Variants in SLC6A16 observed in about 807,000 individuals in gnomAD.
SLC6A16 encodes orphan sodium- and chloride-dependent neurotransmitter transporter NTT5.
A neutral mutation model predicts 65.4 loss-of-function variants in SLC6A16; 54 were observed. The observed-to-expected ratio is 0.83, with a 90% CI of 0.66 to 1.04. The LOEUF is 1.04. Ranked by LOEUF, SLC6A16 falls within the 50% of genes least tolerant of loss-of-function variation. The pLI is 0.00. For synonymous variants in SLC6A16, 330 were observed against 346.5 expected, an observed-to-expected ratio of 0.95 and a Z score of 0.53; for missense variants, 816 against 914.0, an observed-to-expected ratio of 0.89 and a Z score of 1.38.
In SLC6A16 at chr19:49,292,080, A is replaced by T. The variant is rs986852233; in HGVS notation, c.1778+1143T>A. Reference sequence around the variant, plus strand: ...TCTTAGCTCTCACTTGAAATATTACATAGCTTTCACCAGGCGGGGTGGCTC... The same window carrying T: ...TCTTAGCTCTCACTTGAAATATTACTTAGCTTTCACCAGGCGGGGTGGCTC... On this transcript the variant is annotated intron_variant, in intron 10 of 11. Transcript: ENST00000335875. This position sits in a 1 kb window ranked among gnomAD's most constrained non-coding sequence, Gnocchi z 4.3. Among the ~76,000 whole-genome samples, 1 of 152,150 alleles carries T rather than the reference A, an allele frequency of 6.6e-6. No individual in the cohort carries two copies. The highest frequency in any genetic ancestry group is 1.5e-5 in the Non-Finnish European group (1 of 68,034).
chr19:49,311,826 G>A (rs1970529162), intron 1 of SLC6A16, among the ~76,000 whole-genome samples: 1 of 148,332 alleles, frequency 6.7e-6, no homozygotes, highest in Non-Finnish European at 1.5e-5. Flanking sequence ...TCCAGCTTGG[G>A]AGACAGAGTA....
chr19:49,289,974 G>C lies in SLC6A16; in HGVS notation c.*149C>G. ...GACCCAGGAAGGGATTGCAAGTCCA[G>C]GCCCCATGAACACCCCCAAAGAATG... is the stretch of plus-strand genomic sequence containing the variant. On this transcript the variant is annotated 3_prime_UTR_variant, in exon 12 of 12. Transcript: ENST00000335875. 2 of 745,698 alleles carry C rather than the reference G, an allele frequency of 2.7e-6. No individual in the cohort carries two copies. The highest frequency in any genetic ancestry group is 4.3e-6 in the Non-Finnish European group (2 of 464,802). 46.2% of individuals were successfully genotyped at this position (745,698 alleles called of 1,614,324 possible).
At chr19:49,295,377 CA>C (rs11299915) in intron 7 of SLC6A16, among the ~76,000 whole-genome samples, 108,489 of 146,316 alleles carry the variant, frequency 0.74, 39,848 homozygotes, top group East Asian at 0.83. Context: ...GACTCCATTT[CA>C]AAAAAAAAAA....
intron 5 of SLC6A16, 117 bp downstream of exon 5, chr19:49,309,534 C>G: frequency 7.9e-7 from 1 of 1,263,224 alleles, no homozygotes; most frequent in Admixed American, 2.0e-5. Context: ...CAGCAAGAGT[C>G]AGGGGCTAGG....
At chr19:49,294,064 G>T in intron 8 of SLC6A16, 36 bp from the exon 9 acceptor site, 2 of 1,554,510 alleles carry the variant, frequency 1.3e-6, no homozygotes, top group South Asian at 2.2e-5. Context: ...AAGTGTCATT[G>T]AACTAAACAA....
the SLC6A16 span, chr19:49,331,605 G>A: frequency 5.5e-6 from 2 of 366,000 alleles, no homozygotes; most frequent in Non-Finnish European, 1.1e-5. Context: ...AATACAACAG[G>A]TTGTTACTTA....
At chr19:49,332,485 G>A in the SLC6A16 span, among the ~76,000 whole-genome samples, 1 of 151,172 alleles carries the variant, frequency 6.6e-6, no homozygotes, top group Admixed American at 6.6e-5. Flanking sequence ...TTGAACCTGG[G>A]AGGCGGAGGT....
chr19:49,330,750 T>C, the SLC6A16 span, among the ~76,000 whole-genome samples: 1 of 152,158 alleles, frequency 6.6e-6, no homozygotes, highest in Admixed American at 6.5e-5. Flanking sequence ...AAGACCAGCC[T>C]GGCCAACATG....
chr19:49,337,705 AGAAAGAAATAGAC>A, the SLC6A16 span: 28 of 1,533,516 alleles, frequency 1.8e-5, 1 homozygote, highest in African/African-American at 2.6e-4. Context: ...AGAGAACAAG[AGAAAGAAATAGAC>A]GCCCTGAAAG....
In SLC6A16 at chr19:49,294,276, G is replaced by A; in HGVS notation, c.1416+91C>T. On this transcript the variant is annotated intron_variant, in intron 8 of 11. Coordinates refer to ENST00000335875, the MANE Select transcript of SLC6A16 (RefSeq NM_014037.3). ...CCACAGATGATTCTGGTGCTTCCGG[G>A]ATTTTTGCTGGTGCTAATAAAAGCT... The A allele has an allele frequency of 3.9e-6, 5 of 1,279,936 alleles. 1 individual carries two copies. In the South Asian group the frequency reaches 5.4e-5, roughly 14 times the overall value. 79.3% of individuals were successfully genotyped at this position (1,279,936 alleles called of 1,614,324 possible).
At chr19:49,320,436 A>C (rs956231517) in intron 1 of SLC6A16, among the ~76,000 whole-genome samples, 1 of 151,800 alleles carries the variant, frequency 6.6e-6, no homozygotes, top group Non-Finnish European at 1.5e-5. Context: ...AACAAAAAAA[A>C]ACCAGATCTT....
chr19:49,336,270 TA>T, the SLC6A16 span: 1 of 161,764 alleles, frequency 6.2e-6, no homozygotes, highest in African/African-American at 2.4e-5. Flanking sequence ...AAAATGACCC[TA>T]GGGGCCGGGC....
At position 49,296,747 on chromosome 19, in the gene SLC6A16, T is replaced by G. The variant is rs374021021; in HGVS notation, c.1230-2194A>C. On this transcript the variant is annotated intron_variant, in intron 7 of 11. Transcript: ENST00000335875. ...CTCATGCCTGTAATCCCAGCACTTT[T>G]GGAGGCTGAGGCGGGCAGATCACTT... Among the ~76,000 whole-genome samples the G allele has an allele frequency of 2.1e-4, 32 of 152,174 alleles. 1 individual carries two copies. In the East Asian group the frequency reaches 6.0e-3, roughly 28 times the overall value.
Position 49,290,290 on chromosome 19 carries a change from G to A in SLC6A16, c.2044C>T (p.Arg682Cys), listed in dbSNP as rs377694900. The A allele has an allele frequency of 2.0e-5, 33 of 1,613,890 alleles. No individual in the cohort carries two copies. The highest frequency in any genetic ancestry group is 9.4e-5 in the African/African-American group (7 of 74,862). The change falls in exon 12 of 12, where the codon CGC becomes TGC. Residue 682 changes from arginine to cysteine, a missense_variant. Arg to Cys is a radical substitution (Grantham distance 180). Transcript: ENST00000335875. Reference protein sequence around the residue: ...LPIPAYFVYCRIHRIPFRPKS... With the variant: ...LPIPAYFVYCCIHRIPFRPKS... Reference sequence around the variant, plus strand: ...GGCCTGAAGGGAATCCTATGTATGCGGCAGTATACAAAGTATGCAGGGATG... The same window carrying A: ...GGCCTGAAGGGAATCCTATGTATGCAGCAGTATACAAAGTATGCAGGGATG...
intron 7 of SLC6A16, among the ~76,000 whole-genome samples, chr19:49,302,761 G>A (rs1970313292): frequency 6.6e-6 from 1 of 152,048 alleles, no homozygotes; most frequent in Admixed American, 6.6e-5. Flanking sequence ...ATAGAACAAC[G>A]AAAGAAGAGG....
the SLC6A16 span, chr19:49,340,190 C>T: frequency 2.0e-6 from 3 of 1,509,624 alleles, no homozygotes; most frequent in Non-Finnish European, 1.8e-6. Flanking sequence ...CCCGGGTGGG[C>T]ATCACCCCCG....
the SLC6A16 span, chr19:49,339,036 C>G: frequency 1.7e-4 from 166 of 991,328 alleles, 1 homozygote; most frequent in South Asian, 2.1e-3. The surrounding 1 kb of genome is among the most constrained non-coding windows in gnomAD (Gnocchi z 4.5). Context: ...GCGGGGTCTA[C>G]GAGAAAAGGA....
chr19:49,290,779 C>A lies in SLC6A16; in HGVS notation c.1779-12G>T. On this transcript the variant is annotated splice_polypyrimidine_tract_variant and intron_variant, in intron 10 of 11. Transcript: ENST00000335875. Reference sequence around the variant, plus strand: ...GGTCTGCAAGGAACCTGGAGAAGGGCCACCAGAGTGTGGGATGCCCAGTTA... The same window carrying A: ...GGTCTGCAAGGAACCTGGAGAAGGGACACCAGAGTGTGGGATGCCCAGTTA... 6.3e-7 allele frequency: 1 copy of A among 1,597,662 alleles called. No homozygotes were observed. Among genetic ancestry groups the A allele is most frequent in the South Asian group, 1.1e-5 (1 of 88,392 alleles).
the SLC6A16 span, chr19:49,339,542 G>A: frequency 6.7e-7 from 1 of 1,483,514 alleles, no homozygotes; most frequent in Non-Finnish European, 9.0e-7. The surrounding 1 kb of genome is among the most constrained non-coding windows in gnomAD (Gnocchi z 4.5). Context: ...CGGCCCTCCC[G>A]CCGCTCCACC....
Sources: gnomAD v4.1 joint callset for allele counts (sites outside exome capture counted in the v4.1 genomes callset) on GRCh38, gnomAD v4.1.1 for gene constraint, Gnocchi (gnomAD v3.1) non-coding constraint, MANE v1.5 for transcripts, NCBI Gene and HGNC (gene_info 2026-07-23, HGNC 2026-07-21) for gene names.